Variants in GALNTL6 observed in about 807,000 individuals in gnomAD.
GALNTL6 encodes the protein polypeptide N-acetylgalactosaminyltransferase like 6, also known as polypeptide N-acetylgalactosaminyltransferase-like 6.
GALNTL6 carries 46 observed loss-of-function variants against 73.7 expected under a neutral mutation model. The observed-to-expected ratio is 0.62, with a 90% CI of 0.49 to 0.80. The LOEUF is 0.80. Among genes scored for constraint, GALNTL6 ranks in the 30% least tolerant of loss-of-function variants. The probability of loss-of-function intolerance (pLI) is 0.00; values close to 1 mark genes in which losing one functional copy is unlikely to be tolerated. For missense variants in GALNTL6, 604 were observed against 755.0 expected, an observed-to-expected ratio of 0.80 and a Z score of 2.34; for synonymous variants, 259 against 263.7, an observed-to-expected ratio of 0.98 and a Z score of 0.17.
At chr4:171,920,987 G>T (rs1042622336) in intron 2 of GALNTL6, among the ~76,000 whole-genome samples, 1 of 151,718 alleles carries the variant, frequency 6.6e-6, no homozygotes, top group African/African-American at 2.4e-5. Flanking sequence ...ATAATTTAAG[G>T]TATTGTGTAT....
chr4:172,332,027 T>C (rs1741144436), intron 4 of GALNTL6, among the ~76,000 whole-genome samples: 1 of 152,184 alleles, frequency 6.6e-6, no homozygotes. Context: ...ACACTCTTGC[T>C]GACACCTCTC....
chr4:172,120,067 C>T (rs72992498), intron 2 of GALNTL6, among the ~76,000 whole-genome samples: 1,631 of 152,202 alleles, frequency 0.011, 32 homozygotes, highest in African/African-American at 0.036. Flanking sequence ...ATGAAGACAA[C>T]GTATTGAGGA....
At chr4:173,036,394 A>G (rs1753697644) in intron 12 of GALNTL6, among the ~76,000 whole-genome samples, 1 of 152,188 alleles carries the variant, frequency 6.6e-6, no homozygotes, top group East Asian at 1.9e-4. Flanking sequence ...TGAGTGCCAC[A>G]AAGTGTCACA....
intron 2 of GALNTL6, among the ~76,000 whole-genome samples, chr4:171,962,000 T>TTAA (rs1333957626): frequency 6.6e-6 from 1 of 152,236 alleles, no homozygotes; most frequent in African/African-American, 2.4e-5. Context: ...CGAACACTTA[T>TTAA]TAATCTTCCA....
chr4:172,949,964 GA>G (rs1467196680), intron 9 of GALNTL6, among the ~76,000 whole-genome samples: 1 of 151,468 alleles, frequency 6.6e-6, no homozygotes, highest in African/African-American at 2.4e-5. Context: ...AGAAAGAAAA[GA>G]AAAGAAAATG....
chr4:172,687,625 C>CAA (rs34724807), intron 5 of GALNTL6, among the ~76,000 whole-genome samples: 11,251 of 128,906 alleles, frequency 0.087, 602 homozygotes, highest in East Asian at 0.2. Flanking sequence ...AAGACTGTCT[C>CAA]AAAAAAAAAA....
intron 5 of GALNTL6, among the ~76,000 whole-genome samples, chr4:172,385,103 C>A (rs898230210): frequency 1.4e-5 from 2 of 139,374 alleles, no homozygotes; most frequent in South Asian, 2.3e-4. Flanking sequence ...TCTAATTATT[C>A]TTCTGTTATT....
At chr4:172,734,355 A>G (rs913405717) in intron 5 of GALNTL6, among the ~76,000 whole-genome samples, 4 of 152,192 alleles carry the variant, frequency 2.6e-5, no homozygotes, top group African/African-American at 7.2e-5. Flanking sequence ...CACCAAGACA[A>G]TGGGGAAAAT....
intron 5 of GALNTL6, among the ~76,000 whole-genome samples, chr4:172,521,440 G>T (rs1734769839): frequency 6.6e-6 from 1 of 152,124 alleles, no homozygotes; most frequent in South Asian, 2.1e-4. Flanking sequence ...CCAGAACTAT[G>T]ATCTAAATAT....
At chr4:172,181,394 G>A (rs1222609812) in intron 2 of GALNTL6, among the ~76,000 whole-genome samples, 2 of 152,098 alleles carry the variant, frequency 1.3e-5, no homozygotes, top group African/African-American at 4.8e-5. Context: ...TGCAGAAAAT[G>A]CCTTCGACAA....
intron 4 of GALNTL6, among the ~76,000 whole-genome samples, chr4:172,323,583 TG>T (rs561324032): frequency 0.018 from 2,781 of 152,262 alleles, 90 homozygotes; most frequent in African/African-American, 0.063. Context: ...GACAAAAGGT[TG>T]AAAGAAAATA....
At chr4:172,162,650 A>G (rs1049650739) in intron 2 of GALNTL6, among the ~76,000 whole-genome samples, 1 of 152,026 alleles carries the variant, frequency 6.6e-6, no homozygotes, top group African/African-American at 2.4e-5. Context: ...GATTAATTTA[A>G]AAAGATCTTG....
At chr4:172,005,812 T>A (rs1489339081) in intron 2 of GALNTL6, among the ~76,000 whole-genome samples, 2 of 152,158 alleles carry the variant, frequency 1.3e-5, no homozygotes, top group Non-Finnish European at 2.9e-5. Flanking sequence ...AGTGCATAAA[T>A]TATATCCCTA....
chr4:172,917,462 A>G (rs1307552243), intron 8 of GALNTL6, among the ~76,000 whole-genome samples: 1 of 152,226 alleles, frequency 6.6e-6, no homozygotes, highest in Non-Finnish European at 1.5e-5. Context: ...TGAACAGGCA[A>G]CATACAGAAT....
chr4:172,937,338 G>C (rs569532437), intron 9 of GALNTL6, among the ~76,000 whole-genome samples: 1 of 152,252 alleles, frequency 6.6e-6, no homozygotes, highest in Non-Finnish European at 1.5e-5. Flanking sequence ...ACTGTGCACG[G>C]AGGTGGGGCT....
intron 2 of GALNTL6, among the ~76,000 whole-genome samples, chr4:171,997,995 T>G (rs1740543284): frequency 6.6e-6 from 1 of 152,132 alleles, no homozygotes; most frequent in South Asian, 2.1e-4. Flanking sequence ...ATCCAGTGTT[T>G]TGGGAGGCAG....
intron 2 of GALNTL6, among the ~76,000 whole-genome samples, chr4:172,227,366 C>T (rs1263114907): frequency 2.0e-5 from 3 of 152,170 alleles, no homozygotes; most frequent in African/African-American, 7.2e-5. Flanking sequence ...CTGATTTTCA[C>T]TGCAGTTTGA....
intron 2 of GALNTL6, among the ~76,000 whole-genome samples, chr4:171,942,375 G>A (rs1350707683): frequency 1.3e-5 from 2 of 152,028 alleles, no homozygotes; most frequent in Admixed American, 6.6e-5. Flanking sequence ...TGCATGCCAT[G>A]TAGCCATGAT....
intron 2 of GALNTL6, among the ~76,000 whole-genome samples, chr4:172,058,769 T>C (rs969093267): frequency 6.6e-6 from 1 of 152,190 alleles, no homozygotes; most frequent in Non-Finnish European, 1.5e-5. Flanking sequence ...AATGGCAATC[T>C]TACTTCCCTC....
Sources: gnomAD v4.1 joint callset for allele counts (sites outside exome capture counted in the v4.1 genomes callset) on GRCh38, gnomAD v4.1.1 for gene constraint, MANE v1.5 for transcripts, NCBI Gene and HGNC (gene_info 2026-07-23, HGNC 2026-07-21) for gene names.